The following ADGRD2 variants were observed in gnomAD, a reference collection of about 807,000 sequenced individuals.
ADGRD2 encodes the protein G protein-coupled receptor PGR24.
Under a neutral mutation model 44.4 loss-of-function variants are expected in ADGRD2, and 71 were observed. That is an observed-to-expected ratio of 1.60 (90% CI 1.32 to 1.95). The LOEUF (loss-of-function observed/expected upper bound fraction) is 1.95, where lower values mean the gene tolerates loss of function less well. ADGRD2 is among the 30% of genes most tolerant of loss of function. The probability of loss-of-function intolerance (pLI) is 0.00; values close to 1 mark genes in which losing one functional copy is unlikely to be tolerated. For synonymous variants in ADGRD2, 481 were observed against 224.8 expected (o/e 2.14, Z -10.19); for missense variants, 1,039 against 512.4 (o/e 2.03, Z -9.92).
In ADGRD2 at chr9:124,454,611, G is replaced by A; in HGVS notation, c.1108+42G>A. 1.4e-6 allele frequency: 1 copy of A among 705,496 alleles called. No individual in the cohort carries two copies. The highest frequency in any genetic ancestry group is 2.6e-6 in the Non-Finnish European group (1 of 377,502). 43.7% of individuals were successfully genotyped at this position (705,496 alleles called of 1,614,324 possible). On this transcript the variant is annotated intron_variant, in intron 5 of 21. Transcript: ENST00000334810. This position sits in a 1 kb window ranked among gnomAD's most constrained non-coding sequence, Gnocchi z 4.5. The stretch of plus-strand genomic sequence containing the variant: ...GGGCTGGAAAGCCTGGGGGCTCCAT[G>A]GGTCACCTCGCTGCACCTCAGTTTC...
chr9:124,472,755 G>A (rs1356397876), intron 17 of ADGRD2, among the ~76,000 whole-genome samples: 6 of 152,098 alleles, frequency 3.9e-5, no homozygotes, highest in Admixed American at 3.3e-4. Flanking sequence ...TGATCCTCCC[G>A]CCTCGGCCTC....
chr9:124,458,950 C>T (rs1044741647), intron 10 of ADGRD2, among the ~76,000 whole-genome samples: 3 of 152,232 alleles, frequency 2.0e-5, no homozygotes, highest in Admixed American at 6.5e-5. Context: ...ATCCTCCAAC[C>T]GCGCACTTCA....
intron 17 of ADGRD2, among the ~76,000 whole-genome samples, chr9:124,471,323 G>A (rs893546046): frequency 1.3e-5 from 2 of 152,080 alleles, no homozygotes; most frequent in African/African-American, 4.8e-5. Context: ...TGCCCAGCCC[G>A]GGTCCCTCTC....
exon 20 of ADGRD2, chr9:124,476,375 C>A (rs1403858261): frequency 4.3e-6 from 3 of 701,822 alleles, no homozygotes; most frequent in Non-Finnish European, 5.2e-6. Context: ...GGCCCTAGAA[C>A]TCCCTCAGCA....
intron 17 of ADGRD2, among the ~76,000 whole-genome samples, chr9:124,475,098 G>A (rs1474416403): frequency 6.6e-6 from 1 of 152,254 alleles, no homozygotes. Flanking sequence ...GCCTCAGGAA[G>A]GTGTGCCCCT....
At chr9:124,452,902 C>T (rs112792430) in intron 2 of ADGRD2, 133 bp from the exon 6 acceptor site, 10 of 604,592 alleles carry the variant, frequency 1.7e-5, no homozygotes, top group African/African-American at 5.5e-5. Context: ...GGAACTCTAG[C>T]CCCCATTTCC....
At chr9:124,451,999 C>CA, upstream of ADGRD2, 7 of 340,006 alleles carry the variant, frequency 2.1e-5, no homozygotes, top group Admixed American at 4.3e-5. Context: ...CACTGAATGC[C>CA]CCCCTCCCAC....
chr9:124,462,491 G>A (rs1200745000), intron 10 of ADGRD2, among the ~76,000 whole-genome samples: 1 of 152,122 alleles, frequency 6.6e-6, no homozygotes, highest in South Asian at 2.1e-4. Flanking sequence ...CGCATTGACT[G>A]TGTATATCAA....
intron 10 of ADGRD2, among the ~76,000 whole-genome samples, chr9:124,459,248 T>G (rs1831679064): frequency 6.6e-6 from 1 of 152,174 alleles, no homozygotes; most frequent in African/African-American, 2.4e-5. Flanking sequence ...TCCCAGCACT[T>G]TGGGAGGCCG....
chr9:124,466,028 A>C, intron 10 of ADGRD2: 3 of 340,302 alleles, frequency 8.8e-6, no homozygotes, highest in Non-Finnish European at 1.1e-5. Context: ...GTGGCTCAGT[A>C]ATTAATTAAG....
At chr9:124,455,581 C>A (rs1206156967) in intron 6 of ADGRD2, among the ~76,000 whole-genome samples, 2 of 128,584 alleles carry the variant, frequency 1.6e-5, no homozygotes, top group Non-Finnish European at 3.4e-5. Flanking sequence ...CAGAGTGAGA[C>A]TCTGTCTCAA....
At chr9:124,466,165 T>G in intron 10 of ADGRD2, 93 bp from the exon 14 acceptor site, 1 of 488,318 alleles carries the variant, frequency 2.0e-6, no homozygotes, top group South Asian at 4.2e-5. Flanking sequence ...CCTAGCTGGT[T>G]AGAGGCAGGG....
chr9:124,475,609 G>A (rs1256605000), exon 19 of ADGRD2: 2 of 697,194 alleles, frequency 2.9e-6, no homozygotes, highest in South Asian at 3.1e-5. Flanking sequence ...AGAAGAAGGT[G>A]GCCGAGGTGC....
chr9:124,456,178 T>C (rs992977608), intron 6 of ADGRD2, among the ~76,000 whole-genome samples: 7 of 152,146 alleles, frequency 4.6e-5, no homozygotes, highest in African/African-American at 1.7e-4. Flanking sequence ...TGGAGAGGCG[T>C]TAGGGATGAA....
At chr9:124,458,494 T>C (rs1049426655) in intron 9 of ADGRD2, 122 bp from the exon 13 acceptor site, 11 of 632,758 alleles carry the variant, frequency 1.7e-5, no homozygotes, top group African/African-American at 3.7e-5. Flanking sequence ...GGTGCCACAA[T>C]TCCTGATATC....
At chr9:124,472,506 T>C (rs1484692228) in intron 17 of ADGRD2, among the ~76,000 whole-genome samples, 4 of 151,948 alleles carry the variant, frequency 2.6e-5, no homozygotes, top group African/African-American at 9.7e-5. Context: ...TGTTTTGTTT[T>C]GTTTTGTTTT....
intron 16 of ADGRD2, 83 bp from the exon 20 acceptor site, chr9:124,470,411 G>A (rs551068590): frequency 4.1e-5 from 27 of 653,208 alleles, no homozygotes; most frequent in Middle Eastern, 3.7e-4. Flanking sequence ...CTCCAGGCAC[G>A]TACAGGTGCT....
chr9:124,467,629 C>T (rs899533234), intron 11 of ADGRD2, 92 bp from the exon 15 acceptor site: 50 of 683,028 alleles, frequency 7.3e-5, no homozygotes, highest in South Asian at 6.5e-4. Flanking sequence ...GCGAATGCGG[C>T]GTGGGGGGCC....
At chr9:124,468,294 A>G in intron 13 of ADGRD2, 104 bp downstream of exon 16, 1 of 700,720 alleles carries the variant, frequency 1.4e-6, no homozygotes, top group Non-Finnish European at 2.6e-6. Context: ...ACATGGCTCC[A>G]CTTCCCTGGG....
Sources: allele counts gnomAD v4.1 joint callset (sites outside exome capture counted in the v4.1 genomes callset), GRCh38; gene constraint gnomAD v4.1.1; non-coding constraint Gnocchi (gnomAD v3.1); transcripts MANE v1.5; gene names NCBI Gene and HGNC (gene_info 2026-07-23, HGNC 2026-07-21).